The following GDI2 variants were observed in gnomAD, a reference collection of about 807,000 sequenced individuals.
GDI2 encodes GDP dissociation inhibitor 2, also known as rab GDP dissociation inhibitor beta.
A neutral mutation model predicts 54.2 loss-of-function variants in GDI2; 22 were observed. The ratio of observed to expected loss-of-function variants is 0.41; its 90% CI spans 0.29 to 0.58. GDI2 has a LOEUF of 0.58. Among genes scored for constraint, GDI2 ranks in the 20% least tolerant of loss-of-function variants. GDI2 has a pLI of 0.35. For missense variants in GDI2, 422 were observed against 546.0 expected (o/e 0.77, Z 2.26); for synonymous variants, 177 against 182.1 (o/e 0.97, Z 0.23).
In GDI2 at chr10:5,790,561, G is replaced by A. The variant is rs146199736; in HGVS notation, c.388+4324C>T. 4.0e-3 allele frequency among the ~76,000 whole-genome samples: 604 copies of A among 152,166 alleles called. 7 individuals carry two copies. Among genetic ancestry groups the A allele is most frequent in the African/African-American group, 0.013 (560 of 41,528 alleles). ...TTGGGGAGGCTGAGGCAGGAGAATC[G>A]CTTGAACTTGGGAGGTGGAAGTTGC... is the stretch of plus-strand genomic sequence containing the variant. On this transcript the variant is annotated intron_variant, in intron 4 of 10. Coordinates refer to ENST00000380191, the MANE Select transcript of GDI2 (RefSeq NM_001494.4).
At chr10:5,778,509 CTAA>C (rs1305806985) in intron 6 of GDI2, among the ~76,000 whole-genome samples, 1 of 152,190 alleles carries the variant, frequency 6.6e-6, no homozygotes, top group Non-Finnish European at 1.5e-5. Flanking sequence ...CTTTGCACTA[CTAA>C]TGATCACCTC....
At position 5,813,226 on chromosome 10, in the gene GDI2, G is replaced by C; in HGVS notation, c.33C>G (p.Gly11=). The change falls in exon 1 of 11, where the codon GGC becomes GGG. Residue 11 remains glycine (G), a synonymous_variant. Transcript: ENST00000380191. ...CCCTGGCGCCCACCGTCAGGCCGGT[G>C]CCCAGCACGATCACGTCGTACTCCT... The part of the protein sequence containing the change: MNEEYDVIVL[G]TGLTECILSG... The C allele has an allele frequency of 6.3e-7, 1 of 1,592,006 alleles. No homozygotes were observed. The highest frequency in any genetic ancestry group is 8.5e-7 in the Non-Finnish European group (1 of 1,171,376).
In GDI2 at chr10:5,791,142, A is replaced by T. The variant is rs535115339; in HGVS notation, c.388+3743T>A. On this transcript the variant is annotated intron_variant, in intron 4 of 10. Coordinates refer to ENST00000380191, the MANE Select transcript of GDI2 (RefSeq NM_001494.4). ...CCTCACTTCTACAAAAAATTTTTTA[A>T]ATTGCACCATTATAGGCATGTGTAT... Among the ~76,000 whole-genome samples, 5 of 152,200 alleles carry T rather than the reference A, an allele frequency of 3.3e-5. No individual in the cohort carries two copies. The East Asian group carries it at 9.7e-4, about 29-fold the overall frequency.
intron 5 of GDI2, 80 bp downstream of exon 5, chr10:5,785,772 T>C: frequency 1.2e-6 from 1 of 867,150 alleles, no homozygotes; most frequent in South Asian, 1.5e-5. Context: ...ATTTGTTTTG[T>C]TAGAATTTCC....
intron 1 of GDI2, among the ~76,000 whole-genome samples, chr10:5,806,600 C>A (rs929082835): frequency 9.2e-5 from 14 of 151,968 alleles, no homozygotes; most frequent in African/African-American, 3.4e-4. Flanking sequence ...CATTCTGTGG[C>A]CTGCCTTTTC....
chr10:5,802,597 CAAA>C (rs34590882), intron 1 of GDI2, among the ~76,000 whole-genome samples: 3 of 145,028 alleles, frequency 2.1e-5, no homozygotes, highest in East Asian at 2.0e-4. Context: ...GACTCCATCT[CAAA>C]AAAAAAAAAA....
Position 5,794,827 on chromosome 10 carries a change from A to C in GDI2, c.388+58T>G, listed in dbSNP as rs1841111666. 2.5e-6 allele frequency: 3 copies of C among 1,183,046 alleles called. No individual in the cohort carries two copies. In the Middle Eastern group the frequency reaches 6.1e-4, roughly 241 times the overall value. 73.3% of individuals were successfully genotyped at this position (1,183,046 alleles called of 1,614,324 possible). A position where few individuals can be genotyped will look rare whatever the true frequency, so the allele number is the denominator to read the frequency against. ...CCTCTCTAAGACTCTTTTCCAGTAT[A>C]AAATCTCATTATTCTGAGAAAATAA... On this transcript the variant is annotated intron_variant, in intron 4 of 10. Transcript: ENST00000380191.
intron 1 of GDI2, among the ~76,000 whole-genome samples, chr10:5,805,871 G>A (rs1841368578): frequency 6.6e-6 from 1 of 152,214 alleles, no homozygotes; most frequent in Admixed American, 6.5e-5. Context: ...TGTTGCAGAT[G>A]CAGCTGATCT....
At chr10:5,782,341 A>T (rs1229289771) in intron 6 of GDI2, among the ~76,000 whole-genome samples, 2 of 152,236 alleles carry the variant, frequency 1.3e-5, no homozygotes, top group East Asian at 3.8e-4. Context: ...AAGGATGTGG[A>T]GCAACGAGAA....
At chr10:5,809,260 A>AAAAAAAACAAAAAG in intron 1 of GDI2, among the ~76,000 whole-genome samples, 1 of 152,016 alleles carries the variant, frequency 6.6e-6, no homozygotes, top group African/African-American at 2.4e-5. Context: ...AAAACAAAAA[A>AAAAAAAACAAAAAG]AAAAACTGTC....
rs1318273612 is a variant in GDI2 at position 5,765,848 on chromosome 10, TTAA to T, written c.*155_*157del. ...TGAATAGCCACTCCATGAAAACAAGTTAATAATTAGAAAGGTGAAGGGGAGTAT... is the reference window on the plus strand; with the variant it reads ...TGAATAGCCACTCCATGAAAACAAGTTAATTAGAAAGGTGAAGGGGAGTAT... On this transcript the variant is annotated 3_prime_UTR_variant, in exon 11 of 11. Coordinates refer to ENST00000380191, the MANE Select transcript of GDI2 (RefSeq NM_001494.4). 3.6e-6 allele frequency: 2 copies of T among 557,428 alleles called. No individual in the cohort carries two copies. Among genetic ancestry groups the T allele is most frequent in the Middle Eastern group, 4.8e-4 (1 of 2,094 alleles). The allele number at this position is 557,428 out of a possible 1,614,324, so 34.5% of individuals were successfully genotyped here.
Position 5,811,162 on chromosome 10 carries a change from T to C in GDI2, c.45+2052A>G, listed in dbSNP as rs146011546. Among the ~76,000 whole-genome samples the C allele has an allele frequency of 1.7e-3, 257 of 152,322 alleles. 1 individual carries two copies. Among genetic ancestry groups the C allele is most frequent in the African/African-American group, 5.9e-3 (245 of 41,564 alleles). ...GATATATGATTTCTCATTATCAAAA[T>C]CATCCTGTCATCACTACTCCTATCA... On this transcript the variant is annotated intron_variant, in intron 1 of 10. Coordinates refer to ENST00000380191, the MANE Select transcript of GDI2 (RefSeq NM_001494.4).
rs1181149617 is a variant in GDI2, at chr10:5,774,661, A to G, written c.720-720T>C. 6.6e-6 allele frequency among the ~76,000 whole-genome samples: 1 copy of G among 152,052 alleles called. No individual in the cohort carries two copies. Among genetic ancestry groups the G allele is most frequent in the Non-Finnish European group, 1.5e-5 (1 of 68,010 alleles). ...CCACACTGAGCAGACCTGAGACACT[A>G]ATGGCCCTCCTGGACAGGAGGCTCG... On this transcript the variant is annotated intron_variant, in intron 6 of 10. Transcript: ENST00000380191. This position sits in a 1 kb window ranked among gnomAD's most constrained non-coding sequence, Gnocchi z 4.8.
chr10:5,798,744 A>G (rs1841201988), intron 2 of GDI2, among the ~76,000 whole-genome samples: 1 of 152,146 alleles, frequency 6.6e-6, no homozygotes, highest in Admixed American at 6.6e-5. Flanking sequence ...TTGGAAGGCC[A>G]AGGCAGGCAG....
intron 2 of GDI2, among the ~76,000 whole-genome samples, chr10:5,799,250 T>C (rs1841212968): frequency 6.6e-6 from 1 of 152,076 alleles, no homozygotes; most frequent in Admixed American, 6.6e-5. Flanking sequence ...TACAGGAGGA[T>C]CGTTTGAGCC....
chr10:5,773,820 T>C (rs370875827), intron 7 of GDI2, 22 bp downstream of exon 7: 12 of 1,015,704 alleles, frequency 1.2e-5, no homozygotes, highest in Non-Finnish European at 1.7e-5. Flanking sequence ...TAGTAATTTT[T>C]TTCATTTTAA....
chr10:5,775,520 G>A (rs1448907486), intron 6 of GDI2, among the ~76,000 whole-genome samples: 1 of 152,132 alleles, frequency 6.6e-6, no homozygotes, highest in African/African-American at 2.4e-5. Context: ...AGAATTTGGG[G>A]CGGCCAGAGG....
At chr10:5,794,185 AAAAATATATATATATATATATATAT>A (rs1272514871) in intron 4 of GDI2, among the ~76,000 whole-genome samples, 490 of 46,872 alleles carry the variant, frequency 0.01, 50 homozygotes, top group East Asian at 0.099. Flanking sequence ...AAAAAAAAAA[AAAAATATATATATATATATATATAT>A]ATATATATAT....
chr10:5,808,671 T>C (rs1169590577), intron 1 of GDI2, among the ~76,000 whole-genome samples: 6 of 136,918 alleles, frequency 4.4e-5, no homozygotes, highest in Non-Finnish European at 7.7e-5. Flanking sequence ...GAGCTCTGTC[T>C]CAGAAATAAA....
Sources: allele counts gnomAD v4.1 joint callset (sites outside exome capture counted in the v4.1 genomes callset), GRCh38; gene constraint gnomAD v4.1.1; non-coding constraint Gnocchi (gnomAD v3.1); transcripts MANE v1.5; gene names NCBI Gene and HGNC (gene_info 2026-07-23, HGNC 2026-07-21).